The following DGUOK variants were observed in gnomAD, a reference collection of about 807,000 sequenced individuals.
The protein encoded by DGUOK is deoxyguanosine kinase.
In DGUOK, 30 loss-of-function variants were observed where a neutral mutation model predicts 36.6. The observed-to-expected ratio is 0.82, with a 90% CI of 0.61 to 1.11. The LOEUF (loss-of-function observed/expected upper bound fraction) is 1.11, where lower values mean the gene tolerates loss of function less well. DGUOK is among the 50% of genes most tolerant of loss of function. The pLI, the probability that DGUOK is intolerant of heterozygous loss-of-function variation, is 0.00. For synonymous variants in DGUOK, 145 were observed against 126.3 expected (o/e 1.15, Z -0.99); for missense variants, 361 against 336.4 (o/e 1.07, Z -0.57).
At chr2:73,937,166 T>C (rs1681530493) in intron 1 of DGUOK, among the ~76,000 whole-genome samples, 1 of 152,220 alleles carries the variant, frequency 6.6e-6, no homozygotes, top group African/African-American at 2.4e-5. Flanking sequence ...GAGTTTGTCA[T>C]GAAGCTTGTT....
chr2:73,938,177 TGTGTGTC>T (rs1029351258), intron 1 of DGUOK, among the ~76,000 whole-genome samples: 4 of 152,204 alleles, frequency 2.6e-5, no homozygotes, highest in African/African-American at 9.6e-5. Context: ...TCTGTATTGT[TGTGTGTC>T]AAGTTCTTTC....
At chr2:73,951,605 G>C (rs1682712420) in intron 4 of DGUOK, among the ~76,000 whole-genome samples, 1 of 152,186 alleles carries the variant, frequency 6.6e-6, no homozygotes, top group Non-Finnish European at 1.5e-5. Flanking sequence ...ACTGAGACTT[G>C]TGGGCAGAAA....
chr2:73,953,961 G>A (rs1372002150), intron 4 of DGUOK, among the ~76,000 whole-genome samples: 3 of 151,990 alleles, frequency 2.0e-5, no homozygotes, highest in South Asian at 2.1e-4. Flanking sequence ...GACGTGATCC[G>A]CCCGCCTCGG....
chr2:73,929,850 G>C (rs1573499139), intron 1 of DGUOK, among the ~76,000 whole-genome samples: 1 of 152,268 alleles, frequency 6.6e-6, no homozygotes, highest in East Asian at 1.9e-4. Context: ...AAGATAACTG[G>C]AAGTTTTTAG....
intron 4 of DGUOK, among the ~76,000 whole-genome samples, chr2:73,952,578 G>A (rs1306112730): frequency 2.6e-5 from 4 of 152,250 alleles, no homozygotes; most frequent in Non-Finnish European, 4.4e-5. Flanking sequence ...TCTTGGGATG[G>A]CTGGACTGAA....
intron 1 of DGUOK, among the ~76,000 whole-genome samples, chr2:73,937,635 G>A (rs1341394628): frequency 6.6e-6 from 1 of 152,204 alleles, no homozygotes; most frequent in Non-Finnish European, 1.5e-5. Context: ...GCTCAATTTG[G>A]TGGGAAAGAT....
chr2:73,947,270 A>G (rs934329885), intron 3 of DGUOK: 8 of 258,012 alleles, frequency 3.1e-5, no homozygotes, highest in Admixed American at 4.8e-5. Flanking sequence ...AAGAAATCAG[A>G]TGATTCAGTG....
At chr2:73,948,403 A>C (rs769011389) in intron 3 of DGUOK, among the ~76,000 whole-genome samples, 1 of 152,258 alleles carries the variant, frequency 6.6e-6, no homozygotes, top group African/African-American at 2.4e-5. Flanking sequence ...CACTGTGGGC[A>C]TACAACATTC....
chr2:73,936,875 G>T (rs1335633410), intron 1 of DGUOK, among the ~76,000 whole-genome samples: 1 of 152,180 alleles, frequency 6.6e-6, no homozygotes, highest in Admixed American at 6.5e-5. Flanking sequence ...CAGAAAGGAG[G>T]ACTAGCTAAT....
At chr2:73,954,276 G>A (rs1682927801) in intron 4 of DGUOK, among the ~76,000 whole-genome samples, 2 of 152,168 alleles carry the variant, frequency 1.3e-5, no homozygotes, top group South Asian at 4.1e-4. Context: ...CTGGGAGATT[G>A]AGGCTGCAGT....
chr2:73,941,527 G>C (rs1681903247), intron 2 of DGUOK, among the ~76,000 whole-genome samples: 1 of 152,002 alleles, frequency 6.6e-6, no homozygotes, highest in Non-Finnish European at 1.5e-5. Context: ...TTTGCTTTTT[G>C]AAACAAAAAT....
At chr2:73,941,594 C>G (rs1213491681) in intron 2 of DGUOK, among the ~76,000 whole-genome samples, 3 of 152,158 alleles carry the variant, frequency 2.0e-5, no homozygotes, top group African/African-American at 7.2e-5. Context: ...ACAGTGATAT[C>G]ATTTTAATGG....
Position 73,946,070 on chromosome 2 carries a change from A to AAG in DGUOK, c.256-648_256-647insGA, listed in dbSNP as rs139033460. 4.3e-3 allele frequency among the ~76,000 whole-genome samples: 620 copies of AAG among 142,946 alleles called. 46 individuals carry two copies. The highest frequency in any genetic ancestry group is 4.2e-3 in the Non-Finnish European group (276 of 65,880). 93.8% of individuals were successfully genotyped at this position (142,946 alleles called of 152,430 possible). On this transcript the variant is annotated intron_variant, in intron 2 of 6. Coordinates refer to ENST00000264093, the MANE Select transcript of DGUOK (RefSeq NM_080916.3). Reference sequence around the variant, plus strand: ...ACTCTGTCTCAAAAAAAAAAAAAAAAAATCCGGGGCTGCTGAACATCCCAC... The same window carrying AAG: ...ACTCTGTCTCAAAAAAAAAAAAAAAAAGAATCCGGGGCTGCTGAACATCCCAC...
chr2:73,940,320 A>G (rs1337135907), intron 2 of DGUOK, among the ~76,000 whole-genome samples: 1 of 152,218 alleles, frequency 6.6e-6, no homozygotes, highest in Non-Finnish European at 1.5e-5. Context: ...GAATTTACTA[A>G]GAGTGCTACT....
chr2:73,934,015 T>C (rs1017664686), intron 1 of DGUOK, among the ~76,000 whole-genome samples: 1 of 152,222 alleles, frequency 6.6e-6, no homozygotes, highest in African/African-American at 2.4e-5. Context: ...TTTTTTCTCA[T>C]GTTTTTCATC....
rs144587099 is a variant in DGUOK, at chr2:73,946,642, G to T, written c.256-77G>T. The T allele has an allele frequency of 4.3e-4, 550 of 1,272,464 alleles. 6 individuals are homozygous for T. In the East Asian group the frequency reaches 8.7e-3, roughly 20 times the overall value. 78.8% of individuals were successfully genotyped at this position (1,272,464 alleles called of 1,614,324 possible). A position where few individuals can be genotyped will look rare whatever the true frequency, so the allele number is the denominator to read the frequency against. ...ATTAAACCTGTTTGGGGAGGTAGGG[G>T]TGTGTGTGGAGGGGTGTACCCCATG... On this transcript the variant is annotated intron_variant, in intron 2 of 6. Coordinates refer to ENST00000264093, the MANE Select transcript of DGUOK (RefSeq NM_080916.3).
At chr2:73,952,398 C>A (rs1448796691) in intron 4 of DGUOK, among the ~76,000 whole-genome samples, 1 of 152,168 alleles carries the variant, frequency 6.6e-6, no homozygotes, top group Non-Finnish European at 1.5e-5. Context: ...GGAGTCCCCT[C>A]TCAAAGAGGA....
In DGUOK at chr2:73,942,885, T is replaced by G. The variant is rs140515731; in HGVS notation, c.256-3834T>G. ...CCTTTTGTTACTAGAATAGTAACTG[T>G]TTTTATCATGATCAAATGTTGAATT... On this transcript the variant is annotated intron_variant, in intron 2 of 6. Transcript: ENST00000264093. Among the ~76,000 whole-genome samples the G allele has an allele frequency of 2.4e-3, 363 of 152,358 alleles. 1 individual carries two copies. The highest frequency in any genetic ancestry group is 8.3e-3 in the African/African-American group (347 of 41,574).
At chr2:73,928,724 A>G (rs1680792361) in intron 1 of DGUOK, among the ~76,000 whole-genome samples, 1 of 152,200 alleles carries the variant, frequency 6.6e-6, no homozygotes, top group Non-Finnish European at 1.5e-5. Flanking sequence ...ATGGGTAGCC[A>G]TTGGAAGGTT....
Sources: gnomAD v4.1 joint callset for allele counts (sites outside exome capture counted in the v4.1 genomes callset) on GRCh38, gnomAD v4.1.1 for gene constraint, MANE v1.5 for transcripts, NCBI Gene and HGNC (gene_info 2026-07-23, HGNC 2026-07-21) for gene names.